HMGCLL1: variants seen among roughly 807,000 people sequenced by gnomAD.
HMGCLL1 encodes 3-hydroxy-3-methylglutaryl-CoA lyase like 1.
Under a neutral mutation model 39.1 loss-of-function variants are expected in HMGCLL1, and 36 were observed. That is an observed-to-expected ratio of 0.92 (90% CI 0.71 to 1.22). The LOEUF is 1.22. HMGCLL1 is among the 50% of genes most tolerant of loss of function. The pLI is 0.00. For missense variants in HMGCLL1, 451 were observed against 416.5 expected, an observed-to-expected ratio of 1.08 and a Z score of -0.72; for synonymous variants, 149 against 144.0, an observed-to-expected ratio of 1.03 and a Z score of -0.25.
chr6:55,550,126 T>C (rs1442322098), intron 1 of HMGCLL1, among the ~76,000 whole-genome samples: 2 of 151,988 alleles, frequency 1.3e-5, no homozygotes, highest in Non-Finnish European at 2.9e-5. Context: ...AGATGAATTA[T>C]TGAGTGCTAA....
the HMGCLL1 span, among the ~76,000 whole-genome samples, chr6:55,640,548 C>T: frequency 6.6e-6 from 1 of 151,554 alleles, no homozygotes; most frequent in Non-Finnish European, 1.5e-5. Context: ...TAAAACCTCA[C>T]ATTCAAGATT....
the HMGCLL1 span, among the ~76,000 whole-genome samples, chr6:55,612,931 A>G: frequency 6.6e-6 from 1 of 152,184 alleles, no homozygotes; most frequent in Non-Finnish European, 1.5e-5. Flanking sequence ...ATATGTAACA[A>G]AAGCTAAAAT....
At chr6:55,493,500 A>G (rs1766414934) in intron 7 of HMGCLL1, among the ~76,000 whole-genome samples, 1 of 152,172 alleles carries the variant, frequency 6.6e-6, no homozygotes, top group African/African-American at 2.4e-5. Context: ...TCTCTCAGAA[A>G]ATAGAGACAA....
chr6:55,663,915 A>G, the HMGCLL1 span, among the ~76,000 whole-genome samples: 10 of 151,956 alleles, frequency 6.6e-5, no homozygotes, highest in East Asian at 1.8e-3. Context: ...ACCCTTTACC[A>G]TTATGTAATG....
At chr6:55,463,469 G>A (rs943880940) in intron 7 of HMGCLL1, among the ~76,000 whole-genome samples, 1 of 152,152 alleles carries the variant, frequency 6.6e-6, no homozygotes, top group South Asian at 2.1e-4. Context: ...TTATGCCTCA[G>A]GTTTCTTTAG....
chr6:55,521,859 A>G (rs1476565499), intron 3 of HMGCLL1, among the ~76,000 whole-genome samples: 2 of 152,088 alleles, frequency 1.3e-5, no homozygotes, highest in Non-Finnish European at 2.9e-5. Flanking sequence ...GATTAAGTTT[A>G]GTGAGAAAGG....
chr6:55,491,535 TTCTTTG>T (rs1335050695), intron 7 of HMGCLL1, among the ~76,000 whole-genome samples: 2 of 152,174 alleles, frequency 1.3e-5, no homozygotes, highest in Admixed American at 6.5e-5. Flanking sequence ...ATATTGCCTG[TTCTTTG>T]TCTTTGTGCT....
chr6:55,563,751 T>C (rs1771078881), intron 1 of HMGCLL1: 2 of 585,196 alleles, frequency 3.4e-6, no homozygotes, highest in Non-Finnish European at 5.4e-6. Context: ...ACAAAATTAA[T>C]GACAAGGATC....
the HMGCLL1 span, among the ~76,000 whole-genome samples, chr6:55,630,756 C>T: frequency 7.3e-6 from 1 of 136,796 alleles, no homozygotes; most frequent in Non-Finnish European, 1.6e-5. Context: ...CTCTCCTACA[C>T]AAGCTCTCTT....
At chr6:55,597,959 G>A in the HMGCLL1 span, among the ~76,000 whole-genome samples, 167 of 152,168 alleles carry the variant, frequency 1.1e-3, 1 homozygote, top group African/African-American at 3.9e-3. Context: ...ATTCATTGTA[G>A]AAGGATTAGA....
intron 1 of HMGCLL1, among the ~76,000 whole-genome samples, chr6:55,569,618 T>C (rs75384828): frequency 0.014 from 2,142 of 152,242 alleles, 22 homozygotes; most frequent in South Asian, 0.049. Flanking sequence ...ATTGTAAGGA[T>C]TAAATGAGCT....
rs548896818 is a variant in HMGCLL1 at position 55,476,921 on chromosome 6, G to A, written c.795+18498C>T. 4.0e-4 allele frequency among the ~76,000 whole-genome samples: 58 copies of A among 145,668 alleles called. 2 individuals carry two copies. The highest frequency in any genetic ancestry group is 1.1e-3 in the African/African-American group (42 of 37,158). On this transcript the variant is annotated intron_variant, in intron 7 of 8. Transcript: ENST00000274901. ...AGAATGACTGCATCTAACATCACAC[G>A]GGGCCTCTACAACAACAGCTGCTCT... is the stretch of plus-strand genomic sequence containing the variant.
At chr6:55,661,484 C>T in the HMGCLL1 span, among the ~76,000 whole-genome samples, 1 of 151,950 alleles carries the variant, frequency 6.6e-6, no homozygotes, top group Non-Finnish European at 1.5e-5. Context: ...TTCCCCAGTG[C>T]TTGTTTCTGT....
chr6:55,460,810 T>G (rs954450489), intron 7 of HMGCLL1, among the ~76,000 whole-genome samples: 1 of 151,996 alleles, frequency 6.6e-6, no homozygotes, highest in Non-Finnish European at 1.5e-5. Context: ...GTTATGCAAC[T>G]TTTTTGGTGT....
intron 7 of HMGCLL1, among the ~76,000 whole-genome samples, chr6:55,474,244 T>C (rs771679040): frequency 6.6e-6 from 1 of 151,602 alleles, no homozygotes; most frequent in Non-Finnish European, 1.5e-5. Context: ...TAATTACACA[T>C]ACATAATGGA....
At chr6:55,489,063 C>T in intron 7 of HMGCLL1, among the ~76,000 whole-genome samples, 1 of 151,854 alleles carries the variant, frequency 6.6e-6, no homozygotes, top group African/African-American at 2.4e-5. Flanking sequence ...CAACACTGGC[C>T]AATTCAATCC....
upstream of HMGCLL1, among the ~76,000 whole-genome samples, chr6:55,583,011 A>G (rs576656803): frequency 6.6e-6 from 1 of 152,208 alleles, no homozygotes; most frequent in African/African-American, 2.4e-5. Flanking sequence ...ATGTATAATT[A>G]ATTAATTTGC....
intron 1 of HMGCLL1, among the ~76,000 whole-genome samples, chr6:55,572,432 G>A (rs919854587): frequency 1.9e-4 from 29 of 151,906 alleles, no homozygotes; most frequent in Non-Finnish European, 4.0e-4. Context: ...GGAGTAAATA[G>A]TACATTGTTC....
At chr6:55,487,024 C>T (rs559891663) in intron 7 of HMGCLL1, among the ~76,000 whole-genome samples, 5 of 152,160 alleles carry the variant, frequency 3.3e-5, no homozygotes, top group Non-Finnish European at 7.4e-5. Flanking sequence ...GTCCTAATCA[C>T]CTCCCAGAGG....
Sources: allele counts gnomAD v4.1 joint callset (sites outside exome capture counted in the v4.1 genomes callset), GRCh38; gene constraint gnomAD v4.1.1; transcripts MANE v1.5; gene names NCBI Gene and HGNC (gene_info 2026-07-23, HGNC 2026-07-21).